SUCLG2: variants seen among roughly 807,000 people sequenced by gnomAD.
The protein encoded by SUCLG2 is succinate--CoA ligase [GDP-forming] subunit beta, mitochondrial.
SUCLG2 carries 42 observed loss-of-function variants against 47.9 expected under a neutral mutation model. That is an observed-to-expected ratio of 0.88 (90% CI 0.69 to 1.14). SUCLG2 has a LOEUF of 1.14. SUCLG2 is among the 50% of genes most tolerant of loss of function. The pLI is 0.00. For synonymous variants in SUCLG2, 195 were observed against 197.3 expected, an observed-to-expected ratio of 0.99 and a Z score of 0.10; for missense variants, 571 against 525.9, an observed-to-expected ratio of 1.09 and a Z score of -0.84.
intron 4 of SUCLG2, among the ~76,000 whole-genome samples, chr3:67,526,068 A>G (rs1336900117): frequency 2.0e-5 from 3 of 152,224 alleles, no homozygotes; most frequent in Admixed American, 6.5e-5. Flanking sequence ...TGGGAAGTCC[A>G]AGATCAGTGC....
intron 5 of SUCLG2, 142 bp from the exon 6 acceptor site, chr3:67,518,478 G>T: frequency 1.4e-6 from 1 of 691,212 alleles, no homozygotes; most frequent in South Asian, 2.1e-5. Flanking sequence ...CAGGGCTACC[G>T]CAGATGCCTG....
intron 9 of SUCLG2, among the ~76,000 whole-genome samples, chr3:67,403,110 G>C (rs1399144792): frequency 6.6e-6 from 1 of 152,122 alleles, no homozygotes; most frequent in Admixed American, 6.6e-5. Flanking sequence ...GTTAAAAATA[G>C]ATACTCTTCA....
chr3:67,491,215 G>T (rs1230668705), intron 9 of SUCLG2, among the ~76,000 whole-genome samples: 1 of 145,458 alleles, frequency 6.9e-6, no homozygotes. Flanking sequence ...AGCTACTCAG[G>T]AGGCTAAGTC....
intron 9 of SUCLG2, among the ~76,000 whole-genome samples, chr3:67,439,803 G>A (rs1575696621): frequency 6.6e-6 from 1 of 152,160 alleles, no homozygotes; most frequent in South Asian, 2.1e-4. Context: ...TGGCCATACT[G>A]CCAAAAGGAA....
chr3:67,472,945 G>C (rs931143829), intron 9 of SUCLG2, among the ~76,000 whole-genome samples: 1 of 152,110 alleles, frequency 6.6e-6, no homozygotes, highest in Non-Finnish European at 1.5e-5. Flanking sequence ...AAAAGTATAA[G>C]GGTGTAATCA....
intron 10 of SUCLG2, among the ~76,000 whole-genome samples, chr3:67,379,198 C>T (rs986731412): frequency 2.6e-5 from 4 of 152,170 alleles, no homozygotes; most frequent in Admixed American, 1.3e-4. Context: ...CCACTTGCCT[C>T]GGCCTCCCAA....
chr3:67,621,289 G>A (rs1267781794), intron 1 of SUCLG2, among the ~76,000 whole-genome samples: 1 of 151,872 alleles, frequency 6.6e-6, no homozygotes. Context: ...TTGGTGATGA[G>A]GTAAAGCTTA....
chr3:67,548,978 T>C (rs1706938463), intron 2 of SUCLG2, among the ~76,000 whole-genome samples: 1 of 152,148 alleles, frequency 6.6e-6, no homozygotes, highest in Non-Finnish European at 1.5e-5. Context: ...ATATGCAAAA[T>C]ACTGAGTTCA....
chr3:67,654,514 C>T lies in SUCLG2; in HGVS notation c.73G>A (p.Ala25Thr). Reference sequence around the variant, plus strand: ...GCCCCCACGCTCACCTGGGACCCGGCCGCCAGGAAGCGGGGCCGCAGCGCT... The same window carrying T: ...GCCCCCACGCTCACCTGGGACCCGGTCGCCAGGAAGCGGGGCCGCAGCGCT... ...ALALRPRFLA[A>T]GSQAVQLTSR... is the part of the protein sequence containing the mutation. Residue 25 changes from alanine (A) to threonine (T), a missense_variant, in exon 1 of 11, where the codon GCC (alanine) becomes ACC (threonine). Transcript: ENST00000307227. 8.0e-7 allele frequency: 1 copy of T among 1,244,092 alleles called. No individual in the cohort carries two copies. The allele number at this position is 1,244,092 out of a possible 1,614,324, so 77.1% of individuals were successfully genotyped here.
At chr3:67,570,630 A>G (rs910401445) in intron 2 of SUCLG2, among the ~76,000 whole-genome samples, 1 of 152,192 alleles carries the variant, frequency 6.6e-6, no homozygotes, top group Non-Finnish European at 1.5e-5. Flanking sequence ...GATCATGCCT[A>G]TATAGTGAAG....
intron 10 of SUCLG2, among the ~76,000 whole-genome samples, chr3:67,388,598 A>T (rs1702309104): frequency 6.6e-6 from 1 of 152,214 alleles, no homozygotes; most frequent in South Asian, 2.1e-4. Flanking sequence ...TAGGTGAAAC[A>T]ATGCAGAAAT....
At position 67,400,726 on chromosome 3, in the gene SUCLG2, C is replaced by G; in HGVS notation, c.1183+5G>C. On this transcript the variant is annotated splice_donor_5th_base_variant and intron_variant, in intron 10 of 10. Coordinates refer to ENST00000307227, the MANE Select transcript of SUCLG2 (RefSeq NM_003848.4). ...CTGGCACAGCGGAAATCTACCATGA[C>G]TCACCTTCAAGCCGGACCACCAGGG... is the stretch of plus-strand genomic sequence containing the variant. The G allele has an allele frequency of 6.2e-7, 1 of 1,611,212 alleles. No homozygotes were observed. The highest frequency in any genetic ancestry group is 8.5e-7 in the Non-Finnish European group (1 of 1,179,804).
intron 6 of SUCLG2, among the ~76,000 whole-genome samples, chr3:67,516,825 C>A (rs912388524): frequency 6.6e-6 from 1 of 152,196 alleles, no homozygotes; most frequent in African/African-American, 2.4e-5. Context: ...CTGGAGCTGA[C>A]TGCCAGACAG....
chr3:67,529,864 C>A (rs116442032), intron 2 of SUCLG2, among the ~76,000 whole-genome samples: 2 of 152,160 alleles, frequency 1.3e-5, no homozygotes, highest in African/African-American at 2.4e-5. Flanking sequence ...ACTTTTTAGA[C>A]GAGAGTTATT....
intron 2 of SUCLG2, among the ~76,000 whole-genome samples, chr3:67,553,849 G>A (rs1707086428): frequency 6.6e-6 from 1 of 152,140 alleles, no homozygotes; most frequent in Non-Finnish European, 1.5e-5. Flanking sequence ...TACTTTGTCA[G>A]TTACTTTAAT....
At chr3:67,654,168 CT>C (rs1701339314) in intron 1 of SUCLG2, among the ~76,000 whole-genome samples, 1 of 152,252 alleles carries the variant, frequency 6.6e-6, no homozygotes, top group Admixed American at 6.5e-5. Flanking sequence ...AACCTCAGGG[CT>C]CCAAAACCCG....
chr3:67,645,231 T>C (rs938499484), intron 1 of SUCLG2, among the ~76,000 whole-genome samples: 1 of 152,184 alleles, frequency 6.6e-6, no homozygotes, highest in African/African-American at 2.4e-5. Context: ...ATACAAAATA[T>C]AGTCATAAAA....
intron 10 of SUCLG2, among the ~76,000 whole-genome samples, chr3:67,364,956 A>C (rs1040171748): frequency 6.6e-6 from 1 of 152,242 alleles, no homozygotes; most frequent in African/African-American, 2.4e-5. Flanking sequence ...TTCAGCAAAG[A>C]AACAGGATAG....
intron 2 of SUCLG2, among the ~76,000 whole-genome samples, chr3:67,537,568 C>A (rs1305101155): frequency 6.6e-6 from 1 of 152,178 alleles, no homozygotes; most frequent in East Asian, 1.9e-4. Context: ...GATTTATAAT[C>A]CTTTGGGTAT....
Sources: allele counts gnomAD v4.1 joint callset (sites outside exome capture counted in the v4.1 genomes callset), GRCh38; gene constraint gnomAD v4.1.1; transcripts MANE v1.5; gene names NCBI Gene and HGNC (gene_info 2026-07-23, HGNC 2026-07-21).